The following RHOBTB1 variants were observed in gnomAD, a reference collection of about 807,000 sequenced individuals.
RHOBTB1 encodes rho-related BTB domain-containing protein 1.
A neutral mutation model predicts 71.6 loss-of-function variants in RHOBTB1; 40 were observed. The observed-to-expected ratio is 0.56, with a 90% CI of 0.43 to 0.73. RHOBTB1 has a LOEUF of 0.73. RHOBTB1 is among the 30% of genes least tolerant of loss of function. RHOBTB1 has a pLI of 0.00. For synonymous variants in RHOBTB1, 319 were observed against 334.9 expected (o/e 0.95, Z 0.52); for missense variants, 797 against 894.0 (o/e 0.89, Z 1.38).
intron 2 of RHOBTB1, among the ~76,000 whole-genome samples, chr10:60,917,900 C>T (rs1442432324): frequency 6.6e-6 from 1 of 152,202 alleles, no homozygotes; most frequent in African/African-American, 2.4e-5. Flanking sequence ...AACCCTCCAC[C>T]TCATAAACTA....
At chr10:60,922,571 A>C (rs531683132) in intron 2 of RHOBTB1, among the ~76,000 whole-genome samples, 5 of 152,316 alleles carry the variant, frequency 3.3e-5, no homozygotes, top group African/African-American at 1.2e-4. Flanking sequence ...TTGGCCCAGG[A>C]AGTAGGGAGA....
At chr10:60,908,032 G>A (rs1400089227) in intron 4 of RHOBTB1, among the ~76,000 whole-genome samples, 1 of 152,162 alleles carries the variant, frequency 6.6e-6, no homozygotes. Flanking sequence ...AAAAATTGGA[G>A]CTTTTATTCT....
At chr10:60,926,230 C>T (rs1238509897) in intron 2 of RHOBTB1, among the ~76,000 whole-genome samples, 1 of 152,104 alleles carries the variant, frequency 6.6e-6, no homozygotes, top group Non-Finnish European at 1.5e-5. Flanking sequence ...GAGCAACACT[C>T]TGTCCAAAAT....
intron 1 of RHOBTB1, among the ~76,000 whole-genome samples, chr10:60,942,933 C>T (rs756501112): frequency 1.3e-5 from 2 of 151,926 alleles, no homozygotes; most frequent in Non-Finnish European, 2.9e-5. Flanking sequence ...TGGGGGAGCC[C>T]CAAACCAGTG....
chr10:60,957,980 G>A (rs1210334120), intron 2 of RHOBTB1, among the ~76,000 whole-genome samples: 1 of 152,170 alleles, frequency 6.6e-6, no homozygotes, highest in African/African-American at 2.4e-5. Context: ...AAAGTGGAAT[G>A]ACTTACTGTG....
chr10:60,963,832 C>T (rs990133032), intron 2 of RHOBTB1, among the ~76,000 whole-genome samples: 18 of 152,094 alleles, frequency 1.2e-4, no homozygotes, highest in African/African-American at 3.1e-4. Context: ...ACATTACCAA[C>T]GATAGCATCT....
intron 2 of RHOBTB1, among the ~76,000 whole-genome samples, chr10:60,913,586 G>A (rs1033345349): frequency 1.3e-5 from 2 of 152,146 alleles, no homozygotes; most frequent in South Asian, 4.2e-4. Flanking sequence ...AAATCCCAGG[G>A]AACACTGCAG....
chr10:60,978,993 C>T (rs531721679), intron 2 of RHOBTB1, among the ~76,000 whole-genome samples: 13 of 152,196 alleles, frequency 8.5e-5, no homozygotes, highest in Non-Finnish European at 1.8e-4. Context: ...CCCTATGTAT[C>T]ATGTGTCACC....
intron 1 of RHOBTB1, among the ~76,000 whole-genome samples, chr10:60,990,907 C>T (rs1360608319): frequency 6.6e-6 from 1 of 152,226 alleles, no homozygotes; most frequent in Non-Finnish European, 1.5e-5. Context: ...CGTGATGTCT[C>T]AAGACATCTC....
chr10:60,928,104 G>A (rs915299672), intron 2 of RHOBTB1, among the ~76,000 whole-genome samples: 11 of 152,198 alleles, frequency 7.2e-5, no homozygotes, highest in African/African-American at 2.4e-4. Flanking sequence ...AGAAATGCAA[G>A]TGAAAACTAC....
At chr10:60,945,035 T>C (rs1426864552), upstream of RHOBTB1, among the ~76,000 whole-genome samples, 4 of 152,042 alleles carry the variant, frequency 2.6e-5, no homozygotes, top group Non-Finnish European at 5.9e-5. Flanking sequence ...TGACCGTGAG[T>C]TCTGAGGACA....
intron 2 of RHOBTB1, among the ~76,000 whole-genome samples, chr10:60,941,344 T>C (rs1391350622): frequency 1.3e-5 from 2 of 150,464 alleles, no homozygotes; most frequent in African/African-American, 2.4e-5. Flanking sequence ...CTCCCAGAGA[T>C]TTTTTTTTTC....
At chr10:60,928,583 G>C (rs2084033165) in intron 2 of RHOBTB1, among the ~76,000 whole-genome samples, 1 of 151,940 alleles carries the variant, frequency 6.6e-6, no homozygotes, top group African/African-American at 2.4e-5. Flanking sequence ...TGAGCTCATG[G>C]AAGTAGAGAA....
At chr10:60,974,548 G>T (rs553170497) in intron 2 of RHOBTB1, among the ~76,000 whole-genome samples, 5 of 152,142 alleles carry the variant, frequency 3.3e-5, no homozygotes, top group African/African-American at 1.2e-4. Flanking sequence ...CATCGAGATT[G>T]GGGGGTCAGT....
At chr10:60,955,062 T>A (rs866244768) in intron 2 of RHOBTB1, among the ~76,000 whole-genome samples, 1,660 of 148,964 alleles carry the variant, frequency 0.011, 28 homozygotes, top group African/African-American at 0.039. Flanking sequence ...TTTTTTTTTT[T>A]AAGATGTAGT....
chr10:60,893,947 A>G (rs1336133746), intron 4 of RHOBTB1, among the ~76,000 whole-genome samples: 2 of 152,230 alleles, frequency 1.3e-5, no homozygotes, highest in African/African-American at 4.8e-5. Context: ...AAAAGGATAC[A>G]AAGAATAAGA....
rs2132143316 is a variant in RHOBTB1, at chr10:60,871,074, C to T, written c.*408G>A. 1 of 155,752 alleles carries T rather than the reference C, an allele frequency of 6.4e-6. No homozygotes were observed. Among genetic ancestry groups the T allele is most frequent in the African/African-American group, 2.4e-5 (1 of 41,572 alleles). The allele number at this position is 155,752 out of a possible 1,614,324, so 9.6% of individuals were successfully genotyped here. ...AGGGTGACTTCATAATCAATTGTGG[C>T]CTGTAAAATAAAGTAATACACAGTA... is the stretch of plus-strand genomic sequence containing the variant. On this transcript the variant is annotated 3_prime_UTR_variant, in exon 11 of 11. Coordinates refer to ENST00000337910, the MANE Select transcript of RHOBTB1 (RefSeq NM_014836.5).
chr10:60,964,564 T>A (rs1370277121), intron 2 of RHOBTB1, among the ~76,000 whole-genome samples: 2 of 152,174 alleles, frequency 1.3e-5, no homozygotes, highest in African/African-American at 4.8e-5. Flanking sequence ...TTCTTTATTA[T>A]GTCTATCCTA....
intron 2 of RHOBTB1, among the ~76,000 whole-genome samples, chr10:60,928,270 A>C (rs1031286486): frequency 1.6e-4 from 24 of 152,156 alleles, no homozygotes; most frequent in African/African-American, 5.6e-4. Flanking sequence ...TGTTCCTCAA[A>C]AACTAAAAAT....
Sources: allele counts gnomAD v4.1 joint callset (sites outside exome capture counted in the v4.1 genomes callset), GRCh38; gene constraint gnomAD v4.1.1; transcripts MANE v1.5; gene names NCBI Gene and HGNC (gene_info 2026-07-23, HGNC 2026-07-21).